Variants in RYR3 observed in about 807,000 individuals in gnomAD.
RYR3 encodes the protein ryanodine receptor 3.
Under a neutral mutation model 584.3 loss-of-function variants are expected in RYR3, and 207 were observed. That is an observed-to-expected ratio of 0.35 (90% confidence interval 0.32 to 0.40). The LOEUF (loss-of-function observed/expected upper bound fraction) is 0.40, where lower values mean the gene tolerates loss of function less well. Ranked by LOEUF, RYR3 falls within the 10% of genes least tolerant of loss-of-function variation. The pLI is 1.00. For missense variants in RYR3, 5,616 were observed against 6,089.2 expected (o/e 0.92, Z 2.59); for synonymous variants, 2,416 against 2,248.5 (o/e 1.07, Z -2.11).
chr15:33,555,990 T>C (rs1339624663), intron 10 of RYR3, among the ~76,000 whole-genome samples: 1 of 151,870 alleles, frequency 6.6e-6, no homozygotes, highest in African/African-American at 2.4e-5. Context: ...TGTATTGATA[T>C]AGAAATAAAC....
Position 33,801,997 on chromosome 15 carries a change from A to G in RYR3, c.10011+36A>G, listed in dbSNP as rs746066556. The G allele has an allele frequency of 4.0e-6, 5 of 1,261,016 alleles. No homozygotes were observed. In the East Asian group the frequency reaches 6.9e-5, roughly 18 times the overall value. 78.1% of individuals were successfully genotyped at this position (1,261,016 alleles called of 1,614,324 possible). On this transcript the variant is annotated intron_variant, in intron 69 of 103. Transcript: ENST00000634891. The stretch of plus-strand genomic sequence containing the variant: ...AGAAATCAATTCCAAAAACTCTTCA[A>G]CCCTAACCTCAGCCATGACTTGGAT...
At chr15:33,825,465 C>G (rs1286828693) in intron 81 of RYR3, 138 bp from the exon 82 acceptor site, 1 of 576,408 alleles carries the variant, frequency 1.7e-6, no homozygotes, top group East Asian at 3.0e-5. Flanking sequence ...ATTAGACTTG[C>G]AACCACCCTG....
chr15:33,566,675 T>C lies in RYR3; in HGVS notation c.1147-3T>C. 1.9e-6 allele frequency: 3 copies of C among 1,613,624 alleles called. No homozygotes were observed. Among genetic ancestry groups the C allele is most frequent in the Non-Finnish European group, 2.5e-6 (3 of 1,179,594 alleles). ...GAGCTCCCGTCCCTTGCCCTGTGGG[T>C]AGGTCATACTCCATCAGGAAGGCCA... is the stretch of plus-strand genomic sequence containing the variant. On this transcript the variant is annotated splice_region_variant and splice_polypyrimidine_tract_variant and intron_variant, in intron 11 of 103. Transcript: ENST00000634891.
At chr15:33,630,651 C>T (rs2061219240) in intron 22 of RYR3, among the ~76,000 whole-genome samples, 1 of 152,202 alleles carries the variant, frequency 6.6e-6, no homozygotes, top group African/African-American at 2.4e-5. Flanking sequence ...ACACTGGCAC[C>T]TCTTGAGGGT....
rs192731567 is a variant in RYR3 at position 33,685,624 on chromosome 15, A to G, written c.5861-10594A>G. Among the ~76,000 whole-genome samples, 71 of 152,340 alleles carry G rather than the reference A, an allele frequency of 4.7e-4. 1 individual carries two copies. Among genetic ancestry groups the G allele is most frequent in the Admixed American group, 2.1e-3 (32 of 15,310 alleles). ...ACATCTACAGAACTCTCTACCCCAA[A>G]TCAACAGAATATACATTCTTCTCAG... On this transcript the variant is annotated intron_variant, in intron 38 of 103. Transcript: ENST00000634891.
intron 66 of RYR3, among the ~76,000 whole-genome samples, chr15:33,787,800 C>T (rs1267282245): frequency 6.6e-6 from 1 of 152,152 alleles, no homozygotes; most frequent in Admixed American, 6.5e-5. Context: ...ACTGAGTGCC[C>T]GCTGTTAGTG....
At chr15:33,562,604 G>T (rs532064554) in intron 10 of RYR3, among the ~76,000 whole-genome samples, 2 of 152,076 alleles carry the variant, frequency 1.3e-5, no homozygotes, top group African/African-American at 4.8e-5. Context: ...CCCTTTTCCC[G>T]TGGATTTAAA....
rs146689181 is a variant in RYR3, at chr15:33,359,278, G to A, written c.51+48182G>A. ...AATAACAACACAACAAACAGACAAA[G>A]GCCTCTACTCACTTTCCAGCGTACT... is the stretch of plus-strand genomic sequence containing the variant. On this transcript the variant is annotated intron_variant, in intron 1 of 103. Transcript: ENST00000634891. 2.9e-3 allele frequency among the ~76,000 whole-genome samples: 434 copies of A among 152,216 alleles called. 1 individual carries two copies. Among genetic ancestry groups the A allele is most frequent in the African/African-American group, 0.01 (426 of 41,522 alleles).
chr15:33,607,351 G>T (rs1480736167), intron 18 of RYR3, among the ~76,000 whole-genome samples: 1 of 152,168 alleles, frequency 6.6e-6, no homozygotes, highest in Admixed American at 6.5e-5. Flanking sequence ...ATCGGGTTTG[G>T]AATGGCCTTT....
chr15:33,401,791 A>G (rs2042689902), intron 1 of RYR3, among the ~76,000 whole-genome samples: 1 of 152,208 alleles, frequency 6.6e-6, no homozygotes, highest in Non-Finnish European at 1.5e-5. Flanking sequence ...GAATAAATAC[A>G]ATCTCTCTTT....
chr15:33,604,987 C>T (rs1193633614), intron 18 of RYR3, among the ~76,000 whole-genome samples: 10 of 152,304 alleles, frequency 6.6e-5, no homozygotes, highest in East Asian at 3.9e-4. Context: ...CCCACCAACT[C>T]GCCACCATAG....
chr15:33,497,570 CT>C (rs1378982743), intron 2 of RYR3, among the ~76,000 whole-genome samples: 3 of 152,148 alleles, frequency 2.0e-5, no homozygotes, highest in Non-Finnish European at 4.4e-5. Flanking sequence ...GCCTAGCCCT[CT>C]TTATCTGTCT....
intron 42 of RYR3, among the ~76,000 whole-genome samples, chr15:33,701,802 A>G (rs1425771007): frequency 1.3e-5 from 2 of 152,164 alleles, no homozygotes; most frequent in Non-Finnish European, 2.9e-5. Context: ...AGGGATGAGT[A>G]GAAGCTGATC....
intron 7 of RYR3, among the ~76,000 whole-genome samples, chr15:33,541,412 TAA>T (rs778255127): frequency 1.6e-4 from 25 of 152,148 alleles, no homozygotes; most frequent in Non-Finnish European, 2.9e-4. Context: ...CCCTTGGAAA[TAA>T]AGTCATCCAA....
chr15:33,728,207 C>T (rs894119871), intron 46 of RYR3, among the ~76,000 whole-genome samples: 2 of 152,188 alleles, frequency 1.3e-5, no homozygotes, highest in Non-Finnish European at 2.9e-5. Flanking sequence ...TAAACTTTCT[C>T]ACCATGGCCA....
intron 18 of RYR3, among the ~76,000 whole-genome samples, chr15:33,607,224 G>GCTGTT (rs1365727161): frequency 6.6e-6 from 1 of 152,186 alleles, no homozygotes; most frequent in Non-Finnish European, 1.5e-5. Context: ...GCTGAGCATC[G>GCTGTT]CTGTTTCCAG....
chr15:33,506,999 T>C (rs1384579610), intron 3 of RYR3, among the ~76,000 whole-genome samples: 2 of 152,178 alleles, frequency 1.3e-5, no homozygotes, highest in Non-Finnish European at 2.9e-5. Flanking sequence ...TGTTTGGAAA[T>C]AGCCATTTTC....
chr15:33,354,269 T>G (rs1009320459), intron 1 of RYR3, among the ~76,000 whole-genome samples: 1 of 152,186 alleles, frequency 6.6e-6, no homozygotes, highest in Non-Finnish European at 1.5e-5. Flanking sequence ...GAAAGAACCA[T>G]GTAGTAAGAT....
chr15:33,492,687 A>C (rs1012588103), intron 2 of RYR3, among the ~76,000 whole-genome samples: 1 of 152,200 alleles, frequency 6.6e-6, no homozygotes, highest in Non-Finnish European at 1.5e-5. Flanking sequence ...GGCAGGACCC[A>C]GTACGCTAGA....
Sources: allele counts gnomAD v4.1 joint callset (sites outside exome capture counted in the v4.1 genomes callset), GRCh38; gene constraint gnomAD v4.1.1; transcripts MANE v1.5; gene names NCBI Gene and HGNC (gene_info 2026-07-23, HGNC 2026-07-21).